FGF13: variants seen among roughly 807,000 people sequenced by gnomAD.
FGF13 encodes the protein fibroblast growth factor homologous factor 2.
In FGF13, 2 loss-of-function variants were observed where a neutral mutation model predicts 19.5. The observed-to-expected ratio is 0.10, with a 90% CI of 0.04 to 0.32. The LOEUF is 0.32. FGF13 is among the 10% of genes least tolerant of loss of function. The pLI is 1.00. For synonymous variants in FGF13, 72 were observed against 76.9 expected (o/e 0.94, Z 0.33); for missense variants, 113 against 192.7 (o/e 0.59, Z 2.45).
rs1361012332 is a variant in FGF13, at chrX:138,817,823, G to A, written c.217+39689C>T. Among the ~76,000 whole-genome samples the A allele has an allele frequency of 5.3e-5, 6 of 112,288 alleles. No homozygotes were observed. The Admixed American group carries it at 5.7e-4, about 11-fold the overall frequency. ...CTACAACAAGGCCTGGCAAACTTTT[G>A]TTATAAAGAATCACATAGTAAATAC... On this transcript the variant is annotated intron_variant, in intron 3 of 6. Transcript: ENST00000436198.
downstream of FGF13, among the ~76,000 whole-genome samples, chrX:138,852,978 T>C (rs891501085): frequency 9.0e-6 from 1 of 110,983 alleles, no homozygotes; most frequent in African/African-American, 3.3e-5. Context: ...TTATCACTGA[T>C]AATTAAAGAA....
intron 1 of FGF13, among the ~76,000 whole-genome samples, chrX:139,058,789 G>T (rs2124420096): frequency 9.0e-6 from 1 of 111,012 alleles, no homozygotes; most frequent in East Asian, 2.8e-4. Context: ...ACATAATTCA[G>T]CCATGCTCTT....
At chrX:139,171,827 CTT>C (rs999355907) in intron 1 of FGF13, among the ~76,000 whole-genome samples, 1 of 111,766 alleles carries the variant, frequency 8.9e-6, no homozygotes, top group African/African-American at 3.2e-5. Flanking sequence ...ATGCTAATGA[CTT>C]TATACAAGAA....
At chrX:139,041,371 A>G (rs1417815499) in intron 1 of FGF13, among the ~76,000 whole-genome samples, 1 of 111,133 alleles carries the variant, frequency 9.0e-6, no homozygotes, top group East Asian at 2.9e-4. Context: ...ATTATAACCC[A>G]TTTAAATGAA....
chrX:138,879,202 T>C (rs1036907478), intron 1 of FGF13, among the ~76,000 whole-genome samples: 1 of 112,052 alleles, frequency 8.9e-6, no homozygotes, highest in Non-Finnish European at 1.9e-5. Flanking sequence ...CCTTTGTCCA[T>C]TCAATTTTCT....
intron 1 of FGF13, among the ~76,000 whole-genome samples, chrX:138,909,261 G>A (rs747660898): frequency 8.9e-6 from 1 of 112,070 alleles, no homozygotes; most frequent in African/African-American, 3.2e-5. Flanking sequence ...CTCACCCGGA[G>A]TGGGAGACTT....
At chrX:138,890,274 T>C (rs775263607) in intron 1 of FGF13, among the ~76,000 whole-genome samples, 1 of 111,804 alleles carries the variant, frequency 8.9e-6, no homozygotes, top group Admixed American at 9.5e-5. Context: ...GGGTTTGACA[T>C]CATTCCATGA....
intron 1 of FGF13, among the ~76,000 whole-genome samples, chrX:139,201,633 A>T (rs749349817): frequency 2.6e-4 from 29 of 112,404 alleles, no homozygotes; most frequent in Admixed American, 9.4e-4. Context: ...TGACCTATAT[A>T]TAGGAAATTT....
At chrX:139,176,640 G>A (rs2084188324) in intron 1 of FGF13, among the ~76,000 whole-genome samples, 1 of 111,254 alleles carries the variant, frequency 9.0e-6, no homozygotes, top group South Asian at 3.9e-4. Flanking sequence ...TGGTTTCAAA[G>A]AACTTATTTA....
chrX:138,778,938 T>C (rs1191487410), intron 3 of FGF13, among the ~76,000 whole-genome samples: 4 of 111,281 alleles, frequency 3.6e-5, no homozygotes, highest in African/African-American at 1.3e-4. Flanking sequence ...TTGAAGAGAG[T>C]AGTGGTTCTT....
chrX:138,945,368 G>T (rs145096662), intron 1 of FGF13, among the ~76,000 whole-genome samples: 3,039 of 111,062 alleles, frequency 0.027, 114 homozygotes, highest in African/African-American at 0.094. Flanking sequence ...CACAGTTGCT[G>T]TCCTCCACAA....
intron 3 of FGF13, among the ~76,000 whole-genome samples, chrX:138,794,009 C>T (rs190833270): frequency 1.6e-3 from 176 of 111,736 alleles, no homozygotes; most frequent in African/African-American, 5.6e-3. Flanking sequence ...GGTTTGGGAG[C>T]AAGGGGCAGG....
upstream of FGF13, among the ~76,000 whole-genome samples, chrX:138,741,005 T>C (rs1380881440): frequency 8.9e-6 from 1 of 112,392 alleles, no homozygotes; most frequent in African/African-American, 3.2e-5. Context: ...GCTGAGCAAG[T>C]GCTCAGGCCA....
intron 1 of FGF13, among the ~76,000 whole-genome samples, chrX:139,173,073 AT>A (rs749602850): frequency 1.7e-4 from 19 of 112,369 alleles, no homozygotes; most frequent in Non-Finnish European, 3.4e-4. Flanking sequence ...TTAATTACCA[AT>A]CTAAGGCAAT....
intron 3 of FGF13, among the ~76,000 whole-genome samples, chrX:138,670,404 T>A (rs1334661258): frequency 1.8e-5 from 2 of 112,090 alleles, no homozygotes; most frequent in Non-Finnish European, 3.8e-5. Flanking sequence ...TACCATAACA[T>A]TATTTTGTAA....
intron 1 of FGF13, among the ~76,000 whole-genome samples, chrX:138,918,285 T>C (rs2091628568): frequency 9.0e-6 from 1 of 111,479 alleles, no homozygotes; most frequent in Non-Finnish European, 1.9e-5. Context: ...TTGGTTTTCC[T>C]TCACTCTGTC....
intron 3 of FGF13, among the ~76,000 whole-genome samples, chrX:138,655,046 A>G (rs2089421626): frequency 9.0e-6 from 1 of 111,542 alleles, no homozygotes; most frequent in Non-Finnish European, 1.9e-5. Context: ...CAAGAGCTTA[A>G]ATTTTGATAG....
At chrX:138,828,717 A>G (rs1249499970) in intron 3 of FGF13, among the ~76,000 whole-genome samples, 1 of 110,243 alleles carries the variant, frequency 9.1e-6, no homozygotes, top group African/African-American at 3.4e-5. Context: ...TCCAATTATT[A>G]GAAGTATTTT....
rs192092446 is a variant in FGF13, at chrX:138,842,050, C to T, written c.217+15462G>A. ...GATATGAAAACATGAAAAATAAAATCTTGAGGAATACCTTCACCTCTGCTC... is the reference window on the plus strand; with the variant it reads ...GATATGAAAACATGAAAAATAAAATTTTGAGGAATACCTTCACCTCTGCTC... On this transcript the variant is annotated intron_variant, in intron 3 of 6. Transcript: ENST00000436198. Among the ~76,000 whole-genome samples, 46 of 112,138 alleles carry T rather than the reference C, an allele frequency of 4.1e-4. 1 individual carries two copies. The highest frequency in any genetic ancestry group is 1.2e-3 in the African/African-American group (37 of 30,907).
Sources: allele counts gnomAD v4.1 joint callset (sites outside exome capture counted in the v4.1 genomes callset), GRCh38; gene constraint gnomAD v4.1.1; transcripts MANE v1.5; gene names NCBI Gene and HGNC (gene_info 2026-07-23, HGNC 2026-07-21).